GRIP2: variants seen among roughly 807,000 people sequenced by gnomAD.
GRIP2 encodes glutamate receptor-interacting protein 2.
GRIP2 carries 58 observed loss-of-function variants against 108.3 expected under a neutral mutation model. The ratio of observed to expected loss-of-function variants is 0.54; its 90% CI spans 0.43 to 0.67. The LOEUF is 0.67. GRIP2 is among the 30% of genes least tolerant of loss of function. GRIP2 has a pLI of 0.00. For synonymous variants in GRIP2, 586 were observed against 598.2 expected (o/e 0.98, Z 0.30); for missense variants, 1,278 against 1,430.6 (o/e 0.89, Z 1.72).
At chr3:14,562,440 T>C in the GRIP2 span, among the ~76,000 whole-genome samples, 4 of 152,270 alleles carry the variant, frequency 2.6e-5, no homozygotes, top group South Asian at 8.3e-4. Flanking sequence ...CTATTGATTC[T>C]GAAAAGAAAA....
the GRIP2 span, among the ~76,000 whole-genome samples, chr3:14,565,507 G>C: frequency 6.6e-6 from 1 of 152,014 alleles, no homozygotes; most frequent in Non-Finnish European, 1.5e-5. Context: ...GAACCAACCC[G>C]CACAGCTGGG....
chr3:14,595,878 T>C, the GRIP2 span, among the ~76,000 whole-genome samples: 1 of 152,254 alleles, frequency 6.6e-6, no homozygotes, highest in East Asian at 1.9e-4. Flanking sequence ...CCCCCTTCTC[T>C]TCTTTATTTC....
At chr3:14,526,802 A>G (rs1694566666) in intron 1 of GRIP2, among the ~76,000 whole-genome samples, 1 of 152,186 alleles carries the variant, frequency 6.6e-6, no homozygotes, top group South Asian at 2.1e-4. Context: ...AATCTTTCAT[A>G]CATTTCAAAC....
chr3:14,581,434 A>G, the GRIP2 span, among the ~76,000 whole-genome samples: 7 of 152,142 alleles, frequency 4.6e-5, no homozygotes, highest in African/African-American at 1.7e-4. Flanking sequence ...AACCCTGTCC[A>G]TGTGGTTCAC....
intron 7 of GRIP2, 105 bp from the exon 8 acceptor site, chr3:14,520,642 T>C: frequency 9.2e-7 from 1 of 1,089,874 alleles, no homozygotes; most frequent in Non-Finnish European, 1.3e-6. Context: ...GAAGAAACTG[T>C]TATACCCATT....
chr3:14,590,758 C>T, the GRIP2 span, among the ~76,000 whole-genome samples: 1 of 152,222 alleles, frequency 6.6e-6, no homozygotes, highest in Non-Finnish European at 1.5e-5. Flanking sequence ...ACAAAGGCCT[C>T]TACCAGCTGA....
chr3:14,588,583 G>T, the GRIP2 span, among the ~76,000 whole-genome samples: 1 of 152,114 alleles, frequency 6.6e-6, no homozygotes. Flanking sequence ...CCACCTGCCT[G>T]CCCTTCAGGA....
At position 14,514,280 on chromosome 3, in the gene GRIP2, C is replaced by T. The variant is rs532918946; in HGVS notation, c.1493+12G>A. 3 of 1,537,332 alleles carry T rather than the reference C, an allele frequency of 2.0e-6. No homozygotes were observed. The highest frequency in any genetic ancestry group is 4.9e-5 in the East Asian group (2 of 40,866). On this transcript the variant is annotated intron_variant, in intron 12 of 23. Transcript: ENST00000621039. ...AGTGGCAGGCTCAGTAGGGAGGGGG[C>T]AGGAGGCTCACCTCTCAGCCGGACT...
chr3:14,540,186 A>G lies in GRIP2; in HGVS notation c.40+83T>C, dbSNP rs903737493. 1.1e-5 allele frequency: 17 copies of G among 1,522,962 alleles called. No individual in the cohort carries two copies. Among genetic ancestry groups the G allele is most frequent in the Non-Finnish European group, 1.4e-5 (16 of 1,119,510 alleles). 94.3% of individuals were successfully genotyped at this position (1,522,962 alleles called of 1,614,324 possible). On this transcript the variant is annotated intron_variant, in intron 1 of 23. Transcript: ENST00000621039. This position sits in a 1 kb window ranked among gnomAD's most constrained non-coding sequence, Gnocchi z 4.1. ...TGGCAGTCCCAGGTCTCAGCCATCCAGTCCCCTCTCTCTGGGCAGCAGCTC... is the reference window on the plus strand; with the variant it reads ...TGGCAGTCCCAGGTCTCAGCCATCCGGTCCCCTCTCTCTGGGCAGCAGCTC...
chr3:14,496,291 C>T (rs1038270054), intron 22 of GRIP2, 126 bp downstream of exon 22: 3 of 749,066 alleles, frequency 4.0e-6, no homozygotes, highest in Non-Finnish European at 6.3e-6. Context: ...TTGGAAAACT[C>T]AACCCAGTTT....
chr3:14,523,635 T>C lies in GRIP2; in HGVS notation c.467A>G (p.Asn156Ser), dbSNP rs1371743322. The change falls in exon 5 of 24, where the codon AAT (asparagine) becomes AGT (serine). Residue 156 changes from asparagine to serine, a missense_variant. Asn to Ser is a conservative substitution (Grantham distance 46, BLOSUM62 1). Transcript: ENST00000621039. ...TVDVSLYKEG[N>S]SFGFVLRGGA... is the part of the protein sequence containing the mutation. ...ACCTCTAAGGACAAAGCCAAAGCTA[T>C]TGCCCTCCTTGTAGAGGGAGACGTC... 1 of 1,612,086 alleles carries C rather than the reference T, an allele frequency of 6.2e-7. No homozygotes were observed. Among genetic ancestry groups the C allele is most frequent in the Admixed American group, 1.7e-5 (1 of 59,776 alleles).
the GRIP2 span, among the ~76,000 whole-genome samples, chr3:14,592,756 G>A: frequency 6.6e-6 from 1 of 152,156 alleles, no homozygotes; most frequent in African/African-American, 2.4e-5. Flanking sequence ...CCCATCTGCA[G>A]TCTAGTGTCT....
chr3:14,525,791 C>A, intron 2 of GRIP2, 60 bp downstream of exon 2: 1 of 1,499,604 alleles, frequency 6.7e-7, no homozygotes. Flanking sequence ...ATCTGACCCC[C>A]ACCTAGGGCT....
the GRIP2 span, among the ~76,000 whole-genome samples, chr3:14,570,210 T>G: frequency 2.6e-5 from 4 of 152,344 alleles, 1 homozygote; most frequent in Middle Eastern, 0.014. Flanking sequence ...GAAATCCCCT[T>G]TGTCATCTCC....
At chr3:14,533,606 T>A (rs1330203279) in intron 1 of GRIP2, among the ~76,000 whole-genome samples, 1 of 151,868 alleles carries the variant, frequency 6.6e-6, no homozygotes, top group Non-Finnish European at 1.5e-5. Flanking sequence ...GGGTGCCCGA[T>A]GTTGGCTGGC....
chr3:14,583,357 C>A, the GRIP2 span, among the ~76,000 whole-genome samples: 1 of 152,184 alleles, frequency 6.6e-6, no homozygotes, highest in Non-Finnish European at 1.5e-5. Context: ...AGAGATGTCT[C>A]GAGAGATGTC....
Position 14,524,627 on chromosome 3 carries a change from T to A in GRIP2, c.258-89A>T, listed in dbSNP as rs974648037. On this transcript the variant is annotated intron_variant, in intron 3 of 23. Coordinates refer to ENST00000621039, the MANE Select transcript of GRIP2 (RefSeq NM_001080423.4). Reference sequence around the variant, plus strand: ...CACCCACCCTCCTCTGGAATCCCTATGATCACTGGATCCTCATTTCACAAA... The same window carrying A: ...CACCCACCCTCCTCTGGAATCCCTAAGATCACTGGATCCTCATTTCACAAA... 2.2e-6 allele frequency: 3 copies of A among 1,381,138 alleles called. No individual in the cohort carries two copies. In the African/African-American group the frequency reaches 4.3e-5, roughly 20 times the overall value. 85.6% of individuals were successfully genotyped at this position (1,381,138 alleles called of 1,614,324 possible). A position where few individuals can be genotyped will look rare whatever the true frequency, so the allele number is the denominator to read the frequency against.
At position 14,503,633 on chromosome 3, in the gene GRIP2, C is replaced by G; in HGVS notation, c.2612G>C (p.Arg871Pro). 1 of 1,610,724 alleles carries G rather than the reference C, an allele frequency of 6.2e-7. No individual in the cohort carries two copies. The highest frequency in any genetic ancestry group is 1.7e-5 in the Admixed American group (1 of 59,726). The change falls in exon 21 of 24, where the codon CGC becomes CCC. Residue 871 changes from arginine to proline, a missense_variant. Physicochemically the swap from Arg to Pro is moderately radical, Grantham distance 103 (BLOSUM62 -2). Coordinates refer to ENST00000621039, the MANE Select transcript of GRIP2 (RefSeq NM_001080423.4). ...PGPAREEGFW[R>P]MFGEALEDLE... is the part of the protein sequence containing the mutation. ...GTCTTCGAGAGCTTCTCCAAACATG[C>G]GCCAGAAGCCCTCCTCTCGGGCAGG...
At chr3:14,515,883 G>A (rs928893127) in intron 11 of GRIP2, among the ~76,000 whole-genome samples, 6 of 151,860 alleles carry the variant, frequency 4.0e-5, no homozygotes, top group African/African-American at 9.7e-5. Flanking sequence ...TGCCCACCTC[G>A]GCCTCCCAAA....
Sources: allele counts gnomAD v4.1 joint callset (sites outside exome capture counted in the v4.1 genomes callset), GRCh38; gene constraint gnomAD v4.1.1; non-coding constraint Gnocchi (gnomAD v3.1); transcripts MANE v1.5; gene names NCBI Gene and HGNC (gene_info 2026-07-23, HGNC 2026-07-21).